EFCAB11: variants seen among roughly 807,000 people sequenced by gnomAD.
EFCAB11 encodes EF-hand calcium-binding domain-containing protein 11.
A neutral mutation model predicts 23.0 loss-of-function variants in EFCAB11; 14 were observed. The ratio of observed to expected loss-of-function variants is 0.61; its 90% CI spans 0.40 to 0.95. EFCAB11 has a LOEUF of 0.95. EFCAB11 is among the 40% of genes least tolerant of loss of function. The pLI, the probability that EFCAB11 is intolerant of heterozygous loss-of-function variation, is 0.00. For synonymous variants in EFCAB11, 65 were observed against 66.6 expected, an observed-to-expected ratio of 0.98 and a Z score of 0.11; for missense variants, 198 against 195.8, an observed-to-expected ratio of 1.01 and a Z score of -0.07.
At chr14:89,946,689 C>A (rs181216384) in intron 3 of EFCAB11, among the ~76,000 whole-genome samples, 73 of 151,772 alleles carry the variant, frequency 4.8e-4, no homozygotes, top group African/African-American at 1.7e-3. Flanking sequence ...CCTGCCTCAG[C>A]CTCCCAGGTA....
intron 5 of EFCAB11, among the ~76,000 whole-genome samples, chr14:89,894,249 CTTGA>C (rs1269226691): frequency 6.6e-6 from 1 of 152,006 alleles, no homozygotes; most frequent in African/African-American, 2.4e-5. Context: ...CGCACCCAGC[CTTGA>C]TTTTTTTTTT....
At chr14:89,876,315 T>C (rs1888436852) in intron 5 of EFCAB11, among the ~76,000 whole-genome samples, 1 of 151,982 alleles carries the variant, frequency 6.6e-6, no homozygotes, top group South Asian at 2.1e-4. Context: ...GAGGCTGTAT[T>C]TAGATCACAT....
chr14:89,954,551 G>C (rs761947049), intron 1 of EFCAB11, 35 bp downstream of exon 1: 1 of 1,610,288 alleles, frequency 6.2e-7, no homozygotes, highest in Non-Finnish European at 8.5e-7. Context: ...AGGCCAAGCT[G>C]AAGTCCGAGG....
chr14:89,945,587 C>T (rs1252281265), intron 3 of EFCAB11, among the ~76,000 whole-genome samples: 1 of 152,122 alleles, frequency 6.6e-6, no homozygotes, highest in African/African-American at 2.4e-5. Flanking sequence ...AATGTCGTTC[C>T]ATCACAAAGA....
At chr14:89,885,884 T>C (rs978387631) in intron 5 of EFCAB11, among the ~76,000 whole-genome samples, 11 of 150,558 alleles carry the variant, frequency 7.3e-5, no homozygotes, top group African/African-American at 2.7e-4. Flanking sequence ...GTTTTTTTCT[T>C]TTTTTTTCTT....
intron 5 of EFCAB11, among the ~76,000 whole-genome samples, chr14:89,861,913 C>T (rs193267787): frequency 6.8e-4 from 104 of 152,308 alleles, no homozygotes; most frequent in Admixed American, 3.0e-3. Context: ...TGCCAAGTCT[C>T]AGGTATTCAG....
chr14:89,880,058 G>A (rs1475350918), intron 5 of EFCAB11, among the ~76,000 whole-genome samples: 1 of 152,146 alleles, frequency 6.6e-6, no homozygotes, highest in Admixed American at 6.5e-5. Context: ...TCTAAATGTT[G>A]TGAGTATACC....
chr14:89,855,347 G>A (rs1470013770), intron 5 of EFCAB11, among the ~76,000 whole-genome samples: 1 of 151,876 alleles, frequency 6.6e-6, no homozygotes, highest in Non-Finnish European at 1.5e-5. Context: ...AGGGTGGTGT[G>A]CACCTGTAGT....
intron 5 of EFCAB11, 40 bp downstream of exon 5, chr14:89,931,501 A>C: frequency 2.0e-6 from 3 of 1,515,674 alleles, no homozygotes; most frequent in Middle Eastern, 1.7e-4. Context: ...AGCAAATGGT[A>C]AATCAAAAGG....
At chr14:89,831,148 C>T (rs1032485282) in intron 5 of EFCAB11, 6 of 152,292 alleles carry the variant, frequency 3.9e-5, no homozygotes, top group Non-Finnish European at 7.3e-5. Context: ...TGGTCAGAGT[C>T]GAGATTTGTT....
At chr14:89,903,223 G>A (rs1889394127) in intron 5 of EFCAB11, among the ~76,000 whole-genome samples, 1 of 152,192 alleles carries the variant, frequency 6.6e-6, no homozygotes, top group South Asian at 2.1e-4. Flanking sequence ...TGCTGGCACA[G>A]TTTCAGAATC....
chr14:89,882,491 C>T (rs1290803929), intron 5 of EFCAB11, among the ~76,000 whole-genome samples: 1 of 152,174 alleles, frequency 6.6e-6, no homozygotes, highest in African/African-American at 2.4e-5. Context: ...TTCATTTCAT[C>T]CAGGTGAAAA....
chr14:89,831,734 G>T (rs1425914697), intron 5 of EFCAB11, among the ~76,000 whole-genome samples: 1 of 152,176 alleles, frequency 6.6e-6, no homozygotes, highest in African/African-American at 2.4e-5. Context: ...GAAAGAGCAT[G>T]TATTACAAGT....
chr14:89,799,697 G>C (rs1885705540), intron 5 of EFCAB11, among the ~76,000 whole-genome samples: 1 of 151,742 alleles, frequency 6.6e-6, no homozygotes, highest in Admixed American at 6.6e-5. Context: ...ACTTTAGGAG[G>C]GCAAGACCTT....
chr14:89,855,212 A>G (rs1225493115), intron 5 of EFCAB11, among the ~76,000 whole-genome samples: 1 of 151,364 alleles, frequency 6.6e-6, no homozygotes, highest in African/African-American at 2.4e-5. Flanking sequence ...GTGTGGTGGC[A>G]TGCCTGTAAT....
chr14:89,912,590 G>A, intron 5 of EFCAB11, among the ~76,000 whole-genome samples: 1 of 152,090 alleles, frequency 6.6e-6, no homozygotes, highest in Admixed American at 6.5e-5. Flanking sequence ...TTTTTCCAGT[G>A]GGACTGAGGA....
At chr14:89,875,616 A>G (rs939654556) in intron 5 of EFCAB11, among the ~76,000 whole-genome samples, 6 of 152,216 alleles carry the variant, frequency 3.9e-5, no homozygotes, top group African/African-American at 7.2e-5. Context: ...TCATGAACCA[A>G]AGAAAGTTAT....
chr14:89,807,385 G>T (rs1886003314), intron 5 of EFCAB11, among the ~76,000 whole-genome samples: 1 of 152,180 alleles, frequency 6.6e-6, no homozygotes, highest in Non-Finnish European at 1.5e-5. Context: ...TCATCTCCTT[G>T]ACTGGAGGTT....
intron 3 of EFCAB11, among the ~76,000 whole-genome samples, chr14:89,936,110 CTG>C (rs1890573044): frequency 6.6e-6 from 1 of 151,958 alleles, no homozygotes; most frequent in Non-Finnish European, 1.5e-5. Flanking sequence ...GCAAAATAAA[CTG>C]TCACTTCAGA....
Sources: gnomAD v4.1 joint callset for allele counts (sites outside exome capture counted in the v4.1 genomes callset) on GRCh38, gnomAD v4.1.1 for gene constraint, MANE v1.5 for transcripts, NCBI Gene and HGNC (gene_info 2026-07-23, HGNC 2026-07-21) for gene names.